Variants in MDGA2 observed in about 807,000 individuals in gnomAD.
MDGA2 encodes MAM domain-containing glycosylphosphatidylinositol anchor protein 2.
MDGA2 carries 40 observed loss-of-function variants against 117.8 expected under a neutral mutation model. The ratio of observed to expected loss-of-function variants is 0.34; its 90% confidence interval spans 0.26 to 0.44. The LOEUF is 0.44. Among genes scored for constraint, MDGA2 ranks in the 20% least tolerant of loss-of-function variants. MDGA2 has a pLI of 1.00. For missense variants in MDGA2, 1,123 were observed against 1,250.6 expected (o/e 0.90, Z 1.54); for synonymous variants, 452 against 439.0 (o/e 1.03, Z -0.37).
At chr14:47,023,575 C>T (rs192551431) in intron 8 of MDGA2, among the ~76,000 whole-genome samples, 11 of 152,108 alleles carry the variant, frequency 7.2e-5, no homozygotes, top group Admixed American at 7.2e-4. Context: ...CAAACCAGGT[C>T]TTTAATTCAG....
chr14:47,303,017 T>A (rs1889333008), intron 1 of MDGA2, among the ~76,000 whole-genome samples: 1 of 152,116 alleles, frequency 6.6e-6, no homozygotes, highest in African/African-American at 2.4e-5. Flanking sequence ...AAGTTTCCAA[T>A]AGTAGAATAA....
chr14:47,193,051 T>G (rs1375004310), intron 3 of MDGA2, among the ~76,000 whole-genome samples: 1 of 125,452 alleles, frequency 8.0e-6, no homozygotes, highest in Non-Finnish European at 1.7e-5. Flanking sequence ...TCAGGAAACC[T>G]TTTTATTCTT....
At position 47,301,403 on chromosome 14, in the gene MDGA2, G is replaced by C. The variant is rs1337563549; in HGVS notation, c.420+8C>G. On this transcript the variant is annotated splice_region_variant and intron_variant, in intron 2 of 16. Transcript: ENST00000399232. ...ATGTTTTCTCCAGTGTCACAGTTCG[G>C]GACTCACCTGTGGACGTGGATGTCC... 1.9e-6 allele frequency: 3 copies of C among 1,551,322 alleles called. No homozygotes were observed. Among genetic ancestry groups the C allele is most frequent in the Non-Finnish European group, 2.6e-6 (3 of 1,146,916 alleles).
At chr14:47,034,442 T>C (rs1435941438) in intron 8 of MDGA2, among the ~76,000 whole-genome samples, 1 of 152,160 alleles carries the variant, frequency 6.6e-6, no homozygotes, top group Non-Finnish European at 1.5e-5. Context: ...CCTAAGACTT[T>C]CCTGAATTAT....
At chr14:47,517,333 G>C (rs1006499517) in intron 1 of MDGA2, among the ~76,000 whole-genome samples, 3 of 152,076 alleles carry the variant, frequency 2.0e-5, no homozygotes, top group Non-Finnish European at 1.5e-5. Flanking sequence ...ATATCCTTCA[G>C]TAAAAGTTAA....
intron 6 of MDGA2, among the ~76,000 whole-genome samples, chr14:47,087,378 A>G (rs1890940434): frequency 6.9e-6 from 1 of 144,320 alleles, no homozygotes; most frequent in African/African-American, 2.6e-5. Context: ...TTAGCCAGGC[A>G]TGGTGGCGGG....
intron 1 of MDGA2, among the ~76,000 whole-genome samples, chr14:47,652,283 T>C (rs1952715): frequency 0.065 from 9,856 of 152,254 alleles, 1,057 homozygotes; most frequent in African/African-American, 0.22. Context: ...ATAAAGAAGG[T>C]TATTTACACA....
chr14:47,108,270 A>C (rs1880836504), intron 5 of MDGA2, among the ~76,000 whole-genome samples: 1 of 152,116 alleles, frequency 6.6e-6, no homozygotes, highest in Non-Finnish European at 1.5e-5. Context: ...CAACACTTCA[A>C]CACTATTTTG....
rs572368946 is a variant in MDGA2, at chr14:47,113,706, T to A, written c.926-16583A>T. Reference sequence around the variant, plus strand: ...AAAAGGCCTTTGATAAAATTCAACATCCCTTCATGTTAAAAACTCTCAATA... The same window carrying A: ...AAAAGGCCTTTGATAAAATTCAACAACCCTTCATGTTAAAAACTCTCAATA... On this transcript the variant is annotated intron_variant, in intron 5 of 16. Transcript: ENST00000399232. Among the ~76,000 whole-genome samples, 109 of 152,108 alleles carry A rather than the reference T, an allele frequency of 7.2e-4. 1 individual carries two copies. The highest frequency in any genetic ancestry group is 3.4e-3 in the Middle Eastern group (1 of 294).
chr14:46,876,670 C>T (rs1025677530), intron 12 of MDGA2, among the ~76,000 whole-genome samples: 2 of 151,060 alleles, frequency 1.3e-5, no homozygotes, highest in African/African-American at 4.8e-5. Flanking sequence ...GCAGAATTTT[C>T]CCTGAATCCT....
At chr14:47,139,345 T>G (rs1422414275) in intron 4 of MDGA2, among the ~76,000 whole-genome samples, 1 of 152,106 alleles carries the variant, frequency 6.6e-6, no homozygotes, top group African/African-American at 2.4e-5. Context: ...CATGTGCTAA[T>G]GTCTCCACCT....
chr14:47,540,256 G>A lies in MDGA2; in HGVS notation c.280+134261C>T, dbSNP rs917782578. Among the ~76,000 whole-genome samples, 36 of 151,942 alleles carry A rather than the reference G, an allele frequency of 2.4e-4. No individual in the cohort carries two copies. In the South Asian group the frequency reaches 6.5e-3, roughly 27 times the overall value. On this transcript the variant is annotated intron_variant, in intron 1 of 16. Transcript: ENST00000399232. The stretch of plus-strand genomic sequence containing the variant: ...TCTCGATCTCCTGACCTCGTGATCC[G>A]CCCGCCTCGGCCTCCCAAAGTGCTG...
At chr14:47,598,920 G>A (rs1471079996) in intron 1 of MDGA2, among the ~76,000 whole-genome samples, 1 of 152,052 alleles carries the variant, frequency 6.6e-6, no homozygotes, top group Non-Finnish European at 1.5e-5. Flanking sequence ...ACAATAATTA[G>A]GAGAACTAAC....
intron 3 of MDGA2, among the ~76,000 whole-genome samples, chr14:47,154,759 CG>C (rs1176506441): frequency 1.3e-5 from 2 of 152,142 alleles, no homozygotes. Context: ...CACTCGGCAC[CG>C]GCCTGCAGGC....
At chr14:47,419,493 C>G (rs957636116) in intron 1 of MDGA2, among the ~76,000 whole-genome samples, 2 of 151,996 alleles carry the variant, frequency 1.3e-5, no homozygotes, top group Admixed American at 6.6e-5. Flanking sequence ...AGTAGCCTTC[C>G]TTTACAGAAC....
intron 3 of MDGA2, among the ~76,000 whole-genome samples, chr14:47,172,552 C>T (rs1884206091): frequency 6.6e-6 from 1 of 152,172 alleles, no homozygotes; most frequent in South Asian, 2.1e-4. Context: ...TTGGAGTGGA[C>T]CTCTAGCAAA....
At chr14:47,065,603 T>A (rs2138809265) in intron 6 of MDGA2, among the ~76,000 whole-genome samples, 1 of 152,346 alleles carries the variant, frequency 6.6e-6, no homozygotes, top group Admixed American at 6.5e-5. Flanking sequence ...TTTAAAATTA[T>A]AACGTACATT....
chr14:46,994,981 G>A (rs1887234291), intron 8 of MDGA2, among the ~76,000 whole-genome samples: 1 of 151,560 alleles, frequency 6.6e-6, no homozygotes, highest in African/African-American at 2.4e-5. Context: ...CACCCATATT[G>A]GTCAATACCA....
At chr14:47,571,974 A>T (rs1272790266) in intron 1 of MDGA2, among the ~76,000 whole-genome samples, 1 of 152,186 alleles carries the variant, frequency 6.6e-6, no homozygotes, top group African/African-American at 2.4e-5. Flanking sequence ...ACACATACAT[A>T]CTTTGCTCAT....
Sources: gnomAD v4.1 joint callset for allele counts (sites outside exome capture counted in the v4.1 genomes callset) on GRCh38, gnomAD v4.1.1 for gene constraint, MANE v1.5 for transcripts, NCBI Gene and HGNC (gene_info 2026-07-23, HGNC 2026-07-21) for gene names.